Variants in INPP4B observed in about 807,000 individuals in gnomAD.
The protein encoded by INPP4B is inositol polyphosphate 4-phosphatase type II.
A neutral mutation model predicts 122.5 loss-of-function variants in INPP4B; 55 were observed. The ratio of observed to expected loss-of-function variants is 0.45; its 90% CI spans 0.36 to 0.56. The LOEUF (loss-of-function observed/expected upper bound fraction) is 0.56. Ranked by LOEUF, INPP4B falls within the 20% of genes least tolerant of loss-of-function variation. INPP4B has a pLI of 0.00. For missense variants in INPP4B, 1,000 were observed against 1,097.7 expected (o/e 0.91, Z 1.26); for synonymous variants, 403 against 388.7 (o/e 1.04, Z -0.43).
At chr4:142,314,594 C>T (rs1270066257) in intron 8 of INPP4B, 118 bp downstream of exon 8, 8 of 917,638 alleles carry the variant, frequency 8.7e-6, no homozygotes, top group Non-Finnish European at 1.4e-5. Context: ...TGAAGAGCCA[C>T]ACCCTGTTAA....
chr4:142,643,920 G>T (rs757290245), intron 2 of INPP4B, among the ~76,000 whole-genome samples: 1 of 152,166 alleles, frequency 6.6e-6, no homozygotes, highest in Non-Finnish European at 1.5e-5. Context: ...AATATCTGGA[G>T]CTGGGTGCAG....
chr4:142,325,256 C>G lies in INPP4B; in HGVS notation c.373-10494G>C, dbSNP rs547294234. Among the ~76,000 whole-genome samples, 5 of 152,272 alleles carry G rather than the reference C, an allele frequency of 3.3e-5. No homozygotes were observed. The South Asian group carries it at 1.0e-3, about 32-fold the overall frequency. Reference sequence around the variant, plus strand: ...AGTTATTGGTAAGCTAAGAAATCTTCCAAACATGCGGTCAAGGGATGAAAA... The same window carrying G: ...AGTTATTGGTAAGCTAAGAAATCTTGCAAACATGCGGTCAAGGGATGAAAA... On this transcript the variant is annotated intron_variant, in intron 7 of 25. Transcript: ENST00000262992.
chr4:142,427,534 A>C (rs1808368720), intron 5 of INPP4B: 1 of 620,422 alleles, frequency 1.6e-6, no homozygotes, highest in Non-Finnish European at 2.9e-6. Flanking sequence ...TTTCTAAACA[A>C]ACAGCATAGT....
At chr4:142,776,964 C>T (rs890779808) in intron 1 of INPP4B, among the ~76,000 whole-genome samples, 1 of 152,054 alleles carries the variant, frequency 6.6e-6, no homozygotes, top group African/African-American at 2.4e-5. Context: ...TGATTTATTC[C>T]TGAAGCAACT....
At chr4:142,824,348 T>C (rs1781195501) in intron 1 of INPP4B, among the ~76,000 whole-genome samples, 2 of 129,950 alleles carry the variant, frequency 1.5e-5, no homozygotes, top group East Asian at 4.0e-4. Flanking sequence ...CTCTTTCTCC[T>C]ACTGGTTCTA....
chr4:142,590,423 A>T (rs907453652), intron 2 of INPP4B, among the ~76,000 whole-genome samples: 1 of 152,220 alleles, frequency 6.6e-6, no homozygotes, highest in African/African-American at 2.4e-5. Context: ...GACTGAAGAC[A>T]AAAGGATCTG....
intron 1 of INPP4B, among the ~76,000 whole-genome samples, chr4:142,822,316 G>A (rs1561108892): frequency 6.6e-6 from 1 of 152,180 alleles, no homozygotes. Context: ...CCATTTCACA[G>A]ATGAGGAAAC....
At chr4:142,806,823 GAAAGA>G (rs1938400661) in intron 1 of INPP4B, among the ~76,000 whole-genome samples, 2 of 146,338 alleles carry the variant, frequency 1.4e-5, no homozygotes, top group African/African-American at 2.6e-5. Context: ...AAGAAAGAAA[GAAAGA>G]AAGAAAGAAA....
intron 2 of INPP4B, among the ~76,000 whole-genome samples, chr4:142,621,409 A>G (rs1338827149): frequency 6.6e-6 from 1 of 151,988 alleles, no homozygotes; most frequent in African/African-American, 2.4e-5. Flanking sequence ...CCACTTATAC[A>G]GTCCCCGTGC....
At chr4:142,261,872 G>A (rs190749036) in intron 10 of INPP4B, among the ~76,000 whole-genome samples, 20 of 152,094 alleles carry the variant, frequency 1.3e-4, no homozygotes, top group African/African-American at 4.6e-4. Flanking sequence ...TTTTTGATGG[G>A]GTACAAAAGT....
chr4:142,066,834 C>T (rs185087008), intron 25 of INPP4B, among the ~76,000 whole-genome samples: 1,848 of 152,332 alleles, frequency 0.012, 18 homozygotes, highest in Non-Finnish European at 0.018. Flanking sequence ...GAAGCTCGAA[C>T]TGGATGGAGC....
Position 142,108,331 on chromosome 4 carries a change from A to G in INPP4B, c.2277-141T>C, listed in dbSNP as rs188798432. On this transcript the variant is annotated intron_variant, in intron 22 of 25. Transcript: ENST00000262992. Reference sequence around the variant, plus strand: ...CTCATTTTTCAAGCTACAATTCACAATGGTGATTTCAAACATATTCCAATC... The same window carrying G: ...CTCATTTTTCAAGCTACAATTCACAGTGGTGATTTCAAACATATTCCAATC... 2.4e-4 allele frequency: 155 copies of G among 650,430 alleles called. 2 individuals carry two copies. The East Asian group carries it at 3.6e-3, about 15-fold the overall frequency. 40.3% of individuals were successfully genotyped at this position (650,430 alleles called of 1,614,324 possible).
chr4:142,593,085 TAC>T (rs1269006418), intron 2 of INPP4B, among the ~76,000 whole-genome samples: 4 of 150,326 alleles, frequency 2.7e-5, no homozygotes, highest in Non-Finnish European at 5.9e-5. Context: ...GCCTGGGTGA[TAC>T]AGTGAGATCC....
chr4:142,609,143 T>G (rs1249183045), intron 2 of INPP4B, among the ~76,000 whole-genome samples: 3 of 151,972 alleles, frequency 2.0e-5, no homozygotes, highest in Non-Finnish European at 4.4e-5. Flanking sequence ...TTCAGTTAGA[T>G]TCCCTGCTTA....
intron 25 of INPP4B, among the ~76,000 whole-genome samples, chr4:142,062,263 A>G (rs1761332592): frequency 6.6e-6 from 1 of 151,838 alleles, no homozygotes; most frequent in Non-Finnish European, 1.5e-5. Flanking sequence ...TTACACCACC[A>G]CATCATCATC....
intron 2 of INPP4B, among the ~76,000 whole-genome samples, chr4:142,715,664 G>A (rs1264495961): frequency 6.6e-6 from 1 of 152,242 alleles, no homozygotes; most frequent in Non-Finnish European, 1.5e-5. Context: ...TGTAGCAGAA[G>A]AGAGCCCTGG....
chr4:142,383,877 A>C, intron 7 of INPP4B: 1 of 509,444 alleles, frequency 2.0e-6, no homozygotes, highest in Non-Finnish European at 3.5e-6. Context: ...GGGTGGCGGG[A>C]ACACAGGTGT....
chr4:142,475,693 T>C (rs1185350195), intron 2 of INPP4B, among the ~76,000 whole-genome samples: 1 of 152,188 alleles, frequency 6.6e-6, no homozygotes, highest in South Asian at 2.1e-4. Flanking sequence ...AACGATTTTA[T>C]AGTACAATTG....
At chr4:142,325,624 C>T (rs997473996) in intron 7 of INPP4B, among the ~76,000 whole-genome samples, 5 of 152,204 alleles carry the variant, frequency 3.3e-5, no homozygotes, top group Non-Finnish European at 7.3e-5. Context: ...AATAAAAGCA[C>T]TCTTTTAGTT....
Sources: gnomAD v4.1 joint callset for allele counts (sites outside exome capture counted in the v4.1 genomes callset) on GRCh38, gnomAD v4.1.1 for gene constraint, MANE v1.5 for transcripts, NCBI Gene and HGNC (gene_info 2026-07-23, HGNC 2026-07-21) for gene names.